The following ADAMTS12 variants were observed in gnomAD, a reference collection of about 807,000 sequenced individuals.
The protein encoded by ADAMTS12 is ADAM metallopeptidase with thrombospondin type 1 motif 12.
Under a neutral mutation model 167.8 loss-of-function variants are expected in ADAMTS12, and 118 were observed. The ratio of observed to expected loss-of-function variants is 0.70; its 90% confidence interval spans 0.61 to 0.82. The LOEUF (loss-of-function observed/expected upper bound fraction) is 0.82, where lower values mean the gene tolerates loss of function less well. Ranked by LOEUF, ADAMTS12 falls within the 40% of genes least tolerant of loss-of-function variation. The pLI is 0.00. For synonymous variants in ADAMTS12, 704 were observed against 716.9 expected, an observed-to-expected ratio of 0.98 and a Z score of 0.29; for missense variants, 1,916 against 1,998.8, an observed-to-expected ratio of 0.96 and a Z score of 0.79.
chr5:33,731,994 C>T (rs1014950864), intron 3 of ADAMTS12, among the ~76,000 whole-genome samples: 4 of 152,226 alleles, frequency 2.6e-5, no homozygotes, highest in African/African-American at 9.6e-5. Flanking sequence ...CTGGTGGTAG[C>T]TAGACCTGGA....
intron 2 of ADAMTS12, among the ~76,000 whole-genome samples, chr5:33,758,310 G>A (rs1745235325): frequency 6.6e-6 from 1 of 152,132 alleles, no homozygotes; most frequent in Non-Finnish European, 1.5e-5. Context: ...GCAGAAAGGT[G>A]CTGCCCACCC....
intron 19 of ADAMTS12, among the ~76,000 whole-genome samples, chr5:33,569,673 C>G (rs1746209135): frequency 6.6e-6 from 1 of 152,172 alleles, no homozygotes; most frequent in Admixed American, 6.5e-5. Flanking sequence ...ACTGGAAACT[C>G]TAAAAAGCAC....
At chr5:33,826,549 CAG>C (rs1226100120) in intron 2 of ADAMTS12, among the ~76,000 whole-genome samples, 2 of 147,432 alleles carry the variant, frequency 1.4e-5, no homozygotes, top group African/African-American at 5.1e-5. Flanking sequence ...TGTTTGAAAA[CAG>C]AAATATGTTT....
chr5:33,791,950 C>T (rs1746587804), intron 2 of ADAMTS12, among the ~76,000 whole-genome samples: 1 of 150,176 alleles, frequency 6.7e-6, no homozygotes, highest in Non-Finnish European at 1.5e-5. Context: ...TTATCTGTGA[C>T]ATCTTTACAT....
Position 33,576,840 on chromosome 5 carries a change from C to A in ADAMTS12, c.3186G>T (p.Leu1062=), listed in dbSNP as rs2111965917. ...AGCTATCTTGCCACTGTTTCCCACC[C>A]AGGTCTCCTTCTTTGGAGGCTGTGG... ...SPTTASKEGD[L]GGKQWQDSST... The change falls in exon 19 of 24, where the codon CTG becomes CTT. Residue 1062 remains leucine (L), a synonymous_variant. Coordinates refer to ENST00000504830, the MANE Select transcript of ADAMTS12 (RefSeq NM_030955.4). 1 of 1,614,192 alleles carries A rather than the reference C, an allele frequency of 6.2e-7. No homozygotes were observed. The highest frequency in any genetic ancestry group is 2.2e-5 in the East Asian group (1 of 44,882).
In ADAMTS12 at chr5:33,549,302, A is replaced by G; in HGVS notation, c.4207T>C (p.Phe1403Leu). ...DSRDHRNLRP[F>L]HCQFLAGIPP... ...ATGCCGGCCAGGAACTGGCAGTGAA[A>G]TGGCCTCAGGTTCCGGTGGTCCCGG... Residue 1403 changes from phenylalanine (F) to leucine (L), a missense_variant, in exon 21 of 24, where the codon TTT (phenylalanine) becomes CTT (leucine). Physicochemically the swap from Phe to Leu is conservative, Grantham distance 22. Transcript: ENST00000504830. 6.8e-6 allele frequency: 11 copies of G among 1,614,118 alleles called. No individual in the cohort carries two copies. Among genetic ancestry groups the G allele is most frequent in the Non-Finnish European group, 9.3e-6 (11 of 1,180,020 alleles).
At chr5:33,839,041 C>T (rs376297499) in intron 2 of ADAMTS12, among the ~76,000 whole-genome samples, 2 of 152,160 alleles carry the variant, frequency 1.3e-5, no homozygotes, top group African/African-American at 4.8e-5. Context: ...CAGTTCCCTC[C>T]TCTAAAACGT....
intron 2 of ADAMTS12, among the ~76,000 whole-genome samples, chr5:33,790,292 C>T (rs1045947956): frequency 5.3e-5 from 8 of 151,964 alleles, no homozygotes; most frequent in African/African-American, 1.5e-4. Context: ...CGGTGGCTCA[C>T]GCCTGTAATC....
intron 2 of ADAMTS12, among the ~76,000 whole-genome samples, chr5:33,783,585 G>T (rs1161115237): frequency 6.6e-6 from 1 of 151,842 alleles, no homozygotes; most frequent in Non-Finnish European, 1.5e-5. Flanking sequence ...ATTATAAGGG[G>T]ATATTAGCTG....
intron 5 of ADAMTS12, among the ~76,000 whole-genome samples, chr5:33,673,439 C>A (rs1185413846): frequency 6.6e-6 from 1 of 152,116 alleles, no homozygotes; most frequent in Non-Finnish European, 1.5e-5. Flanking sequence ...TTGCAGGAAC[C>A]ACCATCGACT....
chr5:33,750,524 T>C (rs973093307), intron 3 of ADAMTS12, among the ~76,000 whole-genome samples: 1 of 152,202 alleles, frequency 6.6e-6, no homozygotes, highest in Non-Finnish European at 1.5e-5. Context: ...TGTTTTCCCT[T>C]TGAGGTCCAT....
At chr5:33,548,954 C>T (rs369573922) in intron 21 of ADAMTS12, among the ~76,000 whole-genome samples, 3 of 152,272 alleles carry the variant, frequency 2.0e-5, no homozygotes, top group South Asian at 4.2e-4. Flanking sequence ...CATTGGGAGA[C>T]CAGGTTGCAA....
chr5:33,593,407 T>C (rs58576308), intron 17 of ADAMTS12, among the ~76,000 whole-genome samples: 3,638 of 152,294 alleles, frequency 0.024, 127 homozygotes, highest in African/African-American at 0.078. Flanking sequence ...CTACAATTTG[T>C]AGCTAAGTGA....
Position 33,786,241 on chromosome 5 carries a change from A to G in ADAMTS12, c.490-34693T>C, listed in dbSNP as rs553421859. Among the ~76,000 whole-genome samples the G allele has an allele frequency of 1.9e-4, 29 of 152,344 alleles. No individual in the cohort carries two copies. The South Asian group carries it at 2.9e-3, about 15-fold the overall frequency. On this transcript the variant is annotated intron_variant, in intron 2 of 23. Coordinates refer to ENST00000504830, the MANE Select transcript of ADAMTS12 (RefSeq NM_030955.4). ...AAAAGTGTATTGTGATGATTCCACA[A>G]CTGCCTAAATTTACTAAAAATCATT...
At chr5:33,546,614 T>A (rs1396938804) in intron 21 of ADAMTS12, among the ~76,000 whole-genome samples, 6 of 152,226 alleles carry the variant, frequency 3.9e-5, no homozygotes, top group Non-Finnish European at 7.3e-5. Flanking sequence ...AGTTTTAGAA[T>A]TAAATTTGTC....
chr5:33,653,191 A>G (rs900500990), intron 7 of ADAMTS12, among the ~76,000 whole-genome samples: 3 of 152,104 alleles, frequency 2.0e-5, no homozygotes, highest in African/African-American at 7.2e-5. Context: ...AGTTGAGGAA[A>G]TTTCAGTTTC....
Position 33,765,962 on chromosome 5 carries a change from G to A in ADAMTS12, c.490-14414C>T, listed in dbSNP as rs901281038. On this transcript the variant is annotated intron_variant, in intron 2 of 23. Transcript: ENST00000504830. Reference sequence around the variant, plus strand: ...CAGGAAACACCACTTTTTTTTAGCCGTAGGTCGTTACAATCAGGTAAATCT... The same window carrying A: ...CAGGAAACACCACTTTTTTTTAGCCATAGGTCGTTACAATCAGGTAAATCT... Among the ~76,000 whole-genome samples, 8 of 151,890 alleles carry A rather than the reference G, an allele frequency of 5.3e-5. No homozygotes were observed. In the East Asian group the frequency reaches 7.7e-4, roughly 15 times the overall value.
intron 2 of ADAMTS12, among the ~76,000 whole-genome samples, chr5:33,798,785 T>C (rs1746878355): frequency 6.6e-6 from 1 of 152,166 alleles, no homozygotes; most frequent in Non-Finnish European, 1.5e-5. Flanking sequence ...AGCTCACTCT[T>C]ATGATCTCTT....
At chr5:33,627,957 C>T (rs928381517) in intron 13 of ADAMTS12, among the ~76,000 whole-genome samples, 7 of 149,220 alleles carry the variant, frequency 4.7e-5, no homozygotes, top group Non-Finnish European at 7.4e-5. Flanking sequence ...AGGACACATG[C>T]ATAACGTTGA....
Sources: allele counts gnomAD v4.1 joint callset (sites outside exome capture counted in the v4.1 genomes callset), GRCh38; gene constraint gnomAD v4.1.1; transcripts MANE v1.5; gene names NCBI Gene and HGNC (gene_info 2026-07-23, HGNC 2026-07-21).